The following JAZF1 variants were observed in gnomAD, a reference collection of about 807,000 sequenced individuals.
JAZF1 encodes JAZF zinc finger 1, also known as juxtaposed with another zinc finger protein 1.
Under a neutral mutation model 26.4 loss-of-function variants are expected in JAZF1, and 8 were observed. That is an observed-to-expected ratio of 0.30 (90% CI 0.18 to 0.55). JAZF1 has a LOEUF of 0.55. JAZF1 is among the 20% of genes least tolerant of loss of function. The pLI is 0.94. For synonymous variants in JAZF1, 126 were observed against 122.3 expected (o/e 1.03, Z -0.20); for missense variants, 199 against 322.0 (o/e 0.62, Z 2.92).
intron 2 of JAZF1, among the ~76,000 whole-genome samples, chr7:27,909,618 A>C (rs1784326451): frequency 6.6e-6 from 1 of 152,202 alleles, no homozygotes; most frequent in Admixed American, 6.5e-5. Context: ...GAGGCAGGTG[A>C]ATCGCTTGAA....
intron 1 of JAZF1, among the ~76,000 whole-genome samples, chr7:28,152,821 G>A (rs1426664228): frequency 6.6e-6 from 1 of 152,142 alleles, no homozygotes; most frequent in Non-Finnish European, 1.5e-5. Context: ...TTGAAAAGGG[G>A]ACACTGCAAA....
intron 2 of JAZF1, among the ~76,000 whole-genome samples, chr7:27,932,655 G>A (rs1784703148): frequency 2.6e-5 from 4 of 151,988 alleles, no homozygotes; most frequent in African/African-American, 7.3e-5. Flanking sequence ...TTTAAATAAC[G>A]ACAGCTAGAA....
intron 1 of JAZF1, among the ~76,000 whole-genome samples, chr7:28,049,842 A>G (rs1783580644): frequency 6.6e-6 from 1 of 152,142 alleles, no homozygotes; most frequent in Non-Finnish European, 1.5e-5. Flanking sequence ...GCCCTCTCCG[A>G]GCACACCACC....
chr7:28,030,536 G>A (rs976669900), intron 1 of JAZF1, among the ~76,000 whole-genome samples: 2 of 152,084 alleles, frequency 1.3e-5, no homozygotes, highest in Admixed American at 1.3e-4. Context: ...AGGGCTGTTC[G>A]TCCTTTCAAG....
chr7:28,065,115 G>A (rs976379276), intron 1 of JAZF1, among the ~76,000 whole-genome samples: 12 of 152,170 alleles, frequency 7.9e-5, no homozygotes, highest in Admixed American at 7.2e-4. Flanking sequence ...TGTGGTGTTG[G>A]TGAAAATGAC....
At chr7:28,161,281 A>AAAC (rs1783283104) in intron 1 of JAZF1, among the ~76,000 whole-genome samples, 1 of 143,264 alleles carries the variant, frequency 7.0e-6, no homozygotes, top group Admixed American at 6.8e-5. Flanking sequence ...AAAAAAAAAA[A>AAAC]GTCTACTCAA....
chr7:27,943,771 T>G (rs188577850), intron 2 of JAZF1, among the ~76,000 whole-genome samples: 24 of 152,328 alleles, frequency 1.6e-4, no homozygotes, highest in Admixed American at 1.0e-3. Context: ...TGGGGTGAGC[T>G]ACAAAGCTCT....
At chr7:27,922,302 T>C (rs192029795) in intron 2 of JAZF1, among the ~76,000 whole-genome samples, 1 of 152,354 alleles carries the variant, frequency 6.6e-6, no homozygotes, top group East Asian at 1.9e-4. Flanking sequence ...TGGAGTGCAG[T>C]GGCACGATCT....
At chr7:28,088,715 C>G (rs1784247267) in intron 1 of JAZF1, among the ~76,000 whole-genome samples, 1 of 152,200 alleles carries the variant, frequency 6.6e-6, no homozygotes, top group African/African-American at 2.4e-5. Flanking sequence ...TCTGTTAGAA[C>G]TCTGTTATTT....
intron 1 of JAZF1, among the ~76,000 whole-genome samples, chr7:28,080,023 A>G (rs1389271449): frequency 2.6e-5 from 4 of 152,358 alleles, no homozygotes; most frequent in Non-Finnish European, 4.4e-5. Flanking sequence ...CATGTCTTTA[A>G]AAAGTATATA....
intron 1 of JAZF1, among the ~76,000 whole-genome samples, chr7:28,077,141 C>T (rs962899017): frequency 4.6e-5 from 7 of 152,056 alleles, no homozygotes; most frequent in East Asian, 1.9e-4. Context: ...ATTATAACAC[C>T]GGCACTTTAC....
Position 27,858,578 on chromosome 7 carries a change from A to G in JAZF1, c.386-17711T>C, listed in dbSNP as rs140523923. Among the ~76,000 whole-genome samples the G allele has an allele frequency of 6.9e-3, 1,052 of 152,326 alleles. 25 individuals are homozygous for G. The highest frequency in any genetic ancestry group is 0.024 in the African/African-American group (992 of 41,574). ...ACAGAGGCCTCAGAAATAATGCCACACATCTACAACCATCTGATCTTTGAC... is the reference window on the plus strand; with the variant it reads ...ACAGAGGCCTCAGAAATAATGCCACGCATCTACAACCATCTGATCTTTGAC... On this transcript the variant is annotated intron_variant, in intron 3 of 4. Coordinates refer to ENST00000283928, the MANE Select transcript of JAZF1 (RefSeq NM_175061.4).
At chr7:27,850,759 C>A (rs1783130314) in intron 3 of JAZF1, among the ~76,000 whole-genome samples, 1 of 151,842 alleles carries the variant, frequency 6.6e-6, no homozygotes, top group African/African-American at 2.4e-5. Flanking sequence ...CTCATCATGA[C>A]CTTTTTCTTT....
At chr7:28,062,400 G>T (rs745606720) in intron 1 of JAZF1, among the ~76,000 whole-genome samples, 11 of 152,090 alleles carry the variant, frequency 7.2e-5, no homozygotes, top group Non-Finnish European at 1.3e-4. Flanking sequence ...TCCTTCAGCG[G>T]TGCATGTATA....
intron 1 of JAZF1, among the ~76,000 whole-genome samples, chr7:28,046,680 T>C (rs1266192694): frequency 6.6e-6 from 1 of 152,212 alleles, no homozygotes; most frequent in Admixed American, 6.5e-5. Flanking sequence ...ATTTTCATTT[T>C]TGGCAATCTG....
chr7:27,930,147 C>A (rs1784665772), intron 2 of JAZF1, among the ~76,000 whole-genome samples: 1 of 152,086 alleles, frequency 6.6e-6, no homozygotes, highest in South Asian at 2.1e-4. Flanking sequence ...AGGCACCTGC[C>A]ACCACGCTCG....
At chr7:27,876,663 G>C (rs1783685761) in intron 3 of JAZF1, among the ~76,000 whole-genome samples, 1 of 152,198 alleles carries the variant, frequency 6.6e-6, no homozygotes, top group Non-Finnish European at 1.5e-5. Flanking sequence ...AAGCAAGAAA[G>C]TAAAAGGCAT....
At chr7:27,843,306 CT>C (rs1782958863) in intron 3 of JAZF1, 1 of 152,200 alleles carries the variant, frequency 6.6e-6, no homozygotes, top group Non-Finnish European at 1.5e-5. Context: ...GGGTTCATGC[CT>C]TTGCTTTCGT....
chr7:28,038,362 G>T (rs1783330858), intron 1 of JAZF1, among the ~76,000 whole-genome samples: 2 of 152,226 alleles, frequency 1.3e-5, no homozygotes, highest in South Asian at 4.1e-4. Flanking sequence ...TTATGATTCT[G>T]ACACTATAAA....
Sources: allele counts gnomAD v4.1 joint callset (sites outside exome capture counted in the v4.1 genomes callset), GRCh38; gene constraint gnomAD v4.1.1; transcripts MANE v1.5; gene names NCBI Gene and HGNC (gene_info 2026-07-23, HGNC 2026-07-21).